The following FAM110B variants were observed in gnomAD, a reference collection of about 807,000 sequenced individuals.
The protein encoded by FAM110B is family with sequence similarity 110 member B, also known as protein FAM110B.
Under a neutral mutation model 20.4 loss-of-function variants are expected in FAM110B, and 6 were observed. The ratio of observed to expected loss-of-function variants is 0.29; its 90% CI spans 0.16 to 0.58. The LOEUF (loss-of-function observed/expected upper bound fraction) is 0.58, where lower values mean the gene tolerates loss of function less well. Among genes scored for constraint, FAM110B ranks in the 20% least tolerant of loss-of-function variants. The pLI, the probability that FAM110B is intolerant of heterozygous loss-of-function variation, is 0.90. For synonymous variants in FAM110B, 226 were observed against 214.1 expected, an observed-to-expected ratio of 1.06 and a Z score of -0.49; for missense variants, 434 against 498.2, an observed-to-expected ratio of 0.87 and a Z score of 1.23.
chr8:58,146,429 G>T lies in FAM110B; in HGVS notation c.199G>T (p.Val67Leu), dbSNP rs1803864975. 6.2e-7 allele frequency: 1 copy of T among 1,613,918 alleles called. No individual in the cohort carries two copies. Among genetic ancestry groups the T allele is most frequent in the Middle Eastern group, 1.6e-4 (1 of 6,062 alleles). Residue 67 changes from valine to leucine, a missense_variant, in exon 4 of 4, where the codon GTG (valine) becomes TTG (leucine). This residue lies in a region of FAM110B where 284 missense variants were observed against 278.3 expected (regional missense o/e 1.02). Coordinates refer to ENST00000519262, the MANE Select transcript of FAM110B (RefSeq NM_001377989.1). ...DKAKYVKSQE[V>L]INAKQEPVKP... is the part of the protein sequence containing the mutation. The stretch of plus-strand genomic sequence containing the variant: ...GGCCAAGTACGTCAAGAGCCAGGAG[G>T]TGATCAACGCCAAGCAGGAGCCCGT...
At chr8:58,033,072 C>T (rs192952467) in intron 2 of FAM110B, among the ~76,000 whole-genome samples, 4 of 152,150 alleles carry the variant, frequency 2.6e-5, no homozygotes, top group African/African-American at 4.8e-5. Flanking sequence ...GTAACTCCCC[C>T]CAGTAGTCTC....
chr8:58,130,899 A>C (rs1450316383), intron 3 of FAM110B, among the ~76,000 whole-genome samples: 1 of 152,234 alleles, frequency 6.6e-6, no homozygotes, highest in Non-Finnish European at 1.5e-5. Context: ...TTTTGCCTCC[A>C]TGACCATGAG....
intron 2 of FAM110B, among the ~76,000 whole-genome samples, chr8:58,073,558 G>A (rs937903798): frequency 9.2e-5 from 14 of 152,214 alleles, no homozygotes; most frequent in African/African-American, 3.4e-4. Context: ...TTGTTGCATG[G>A]AAATATGTTA....
chr8:58,122,901 T>C (rs1031998872), intron 3 of FAM110B, among the ~76,000 whole-genome samples: 1 of 152,172 alleles, frequency 6.6e-6, no homozygotes, highest in Non-Finnish European at 1.5e-5. Flanking sequence ...GTGTGCTGTA[T>C]GAAATCACAT....
chr8:58,009,506 G>T (rs939055730), intron 1 of FAM110B, among the ~76,000 whole-genome samples: 10 of 152,176 alleles, frequency 6.6e-5, no homozygotes, highest in Non-Finnish European at 1.2e-4. Flanking sequence ...TTTGAGAAAA[G>T]AATGTAAAAT....
rs1803895263 is a variant in FAM110B at position 58,147,424 on chromosome 8, G to C, written c.*81G>C. On this transcript the variant is annotated 3_prime_UTR_variant, in exon 4 of 4. Transcript: ENST00000519262. ...TTGTGAGGTCTCCTTGAAGTGTTGT[G>C]AGCTTCTCCACTCTTTGTGTTGCTT... is the stretch of plus-strand genomic sequence containing the variant. 4 of 1,481,016 alleles carry C rather than the reference G, an allele frequency of 2.7e-6. No individual in the cohort carries two copies. In the East Asian group the frequency reaches 9.1e-5, roughly 34 times the overall value. 91.7% of individuals were successfully genotyped at this position (1,481,016 alleles called of 1,614,324 possible). A position where few individuals can be genotyped will look rare whatever the true frequency, so the allele number is the denominator to read the frequency against.
intron 1 of FAM110B, among the ~76,000 whole-genome samples, chr8:58,008,064 A>G (rs1320264663): frequency 3.3e-5 from 5 of 151,866 alleles, no homozygotes; most frequent in African/African-American, 9.7e-5. Context: ...TAGATGTTTA[A>G]TAGATTCATT....
chr8:58,025,620 T>C (rs1804840243), intron 1 of FAM110B, among the ~76,000 whole-genome samples: 1 of 152,154 alleles, frequency 6.6e-6, no homozygotes, highest in African/African-American at 2.4e-5. Context: ...GAAAGGCTGG[T>C]GTTGGGAGAC....
chr8:58,107,340 G>T (rs10551162), intron 3 of FAM110B, among the ~76,000 whole-genome samples: 45,953 of 151,288 alleles, frequency 0.3, 9,548 homozygotes, highest in African/African-American at 0.6. Context: ...AAAGTTTTTT[G>T]TTGTTGTTGT....
chr8:58,047,184 T>A (rs982673572), intron 2 of FAM110B, among the ~76,000 whole-genome samples: 43 of 152,302 alleles, frequency 2.8e-4, no homozygotes, highest in Non-Finnish European at 5.0e-4. Context: ...CAGTGAAGAC[T>A]CTTTAATAAG....
chr8:58,134,653 T>C (rs1290114862), intron 3 of FAM110B, among the ~76,000 whole-genome samples: 7 of 152,232 alleles, frequency 4.6e-5, no homozygotes, highest in African/African-American at 1.7e-4. Flanking sequence ...TCTCTGCTCT[T>C]CATATGCTCT....
chr8:58,013,685 T>C (rs2150566735), intron 1 of FAM110B, among the ~76,000 whole-genome samples: 1 of 152,292 alleles, frequency 6.6e-6, no homozygotes, highest in Middle Eastern at 3.4e-3. Context: ...AGATATTTTT[T>C]ATCTTGACAC....
chr8:58,146,236 C>A lies in FAM110B; in HGVS notation c.6C>A (p.Pro2=). Residue 2 remains proline, a synonymous_variant, in exon 4 of 4, where the codon CCC becomes CCA. Transcript: ENST00000519262. Reference sequence around the variant, plus strand: ...CCGGGGAAAGACCGCCCACCATGCCCACGGAGACCCTACAGACAGGTAGCA... The same window carrying A: ...CCGGGGAAAGACCGCCCACCATGCCAACGGAGACCCTACAGACAGGTAGCA... M[P]TETLQTGSMV... 6.3e-7 allele frequency: 1 copy of A among 1,595,996 alleles called. No homozygotes were observed.
intron 2 of FAM110B, among the ~76,000 whole-genome samples, chr8:58,075,182 G>A (rs952321830): frequency 2.0e-5 from 3 of 150,978 alleles, no homozygotes; most frequent in South Asian, 2.1e-4. Context: ...CTCAGCTCAC[G>A]GAAACCTCCA....
Position 58,013,929 on chromosome 8 carries a change from G to A in FAM110B, c.-511-17677G>A, listed in dbSNP as rs948998016. On this transcript the variant is annotated intron_variant, in intron 1 of 3. Transcript: ENST00000519262. ...GAAGGAGTAAGGTAGCTGGCCTTTC[G>A]TGCTGGCATGCCTGTCACTGTGCTG... Among the ~76,000 whole-genome samples, 4 of 152,112 alleles carry A rather than the reference G, an allele frequency of 2.6e-5. No homozygotes were observed. In the South Asian group the frequency reaches 6.2e-4, roughly 24 times the overall value.
chr8:58,007,779 T>C (rs758794078), intron 1 of FAM110B, among the ~76,000 whole-genome samples: 5 of 152,100 alleles, frequency 3.3e-5, no homozygotes, highest in Non-Finnish European at 7.3e-5. Context: ...GAGAAATTTG[T>C]GTGGTTTATA....
chr8:58,134,278 G>A (rs1358548965), intron 3 of FAM110B, among the ~76,000 whole-genome samples: 1 of 152,158 alleles, frequency 6.6e-6, no homozygotes, highest in African/African-American at 2.4e-5. Context: ...TGAACTCACT[G>A]GTTCTGCTGT....
At chr8:58,050,433 C>T (rs551287923) in intron 2 of FAM110B, among the ~76,000 whole-genome samples, 52 of 152,240 alleles carry the variant, frequency 3.4e-4, no homozygotes, top group Non-Finnish European at 5.3e-4. Flanking sequence ...GGGTCTCCAG[C>T]GCAAGGAGTT....
chr8:57,995,231 A>G (rs1300930788), intron 1 of FAM110B, among the ~76,000 whole-genome samples: 1 of 151,958 alleles, frequency 6.6e-6, no homozygotes. Context: ...GAGGAGTGGG[A>G]CTACGAAGGA....
Sources: gnomAD v4.1 joint callset for allele counts (sites outside exome capture counted in the v4.1 genomes callset) on GRCh38, gnomAD v4.1.1 for gene constraint, gnomAD v4.1.1 regional missense constraint, MANE v1.5 for transcripts, NCBI Gene and HGNC (gene_info 2026-07-23, HGNC 2026-07-21) for gene names.